Variants in DOCK4 observed in about 807,000 individuals in gnomAD.
DOCK4 encodes dedicator of cytokinesis 4, also known as dedicator of cytokinesis protein 4.
DOCK4 carries 97 observed loss-of-function variants against 268.1 expected under a neutral mutation model. The observed-to-expected ratio is 0.36, with a 90% CI of 0.31 to 0.43. The LOEUF (loss-of-function observed/expected upper bound fraction) is 0.43, where lower values mean the gene tolerates loss of function less well. DOCK4 is among the 20% of genes least tolerant of loss of function. DOCK4 has a pLI of 1.00. For missense variants in DOCK4, 2,145 were observed against 2,455.7 expected, an observed-to-expected ratio of 0.87 and a Z score of 2.67; for synonymous variants, 954 against 887.2, an observed-to-expected ratio of 1.08 and a Z score of -1.34.
At chr7:111,824,631 T>C (rs1802257996) in intron 26 of DOCK4, among the ~76,000 whole-genome samples, 1 of 152,072 alleles carries the variant, frequency 6.6e-6, no homozygotes, top group South Asian at 2.1e-4. Context: ...GGAGGAAAAA[T>C]ACTGGCTGAA....
At chr7:111,995,035 TG>T (rs778453808) in intron 4 of DOCK4, among the ~76,000 whole-genome samples, 12 of 124,894 alleles carry the variant, frequency 9.6e-5, no homozygotes, top group Non-Finnish European at 1.8e-4. Flanking sequence ...AGAAGTTTTG[TG>T]TTTTTTTTTT....
chr7:111,763,694 G>A (rs1056669613), intron 39 of DOCK4, among the ~76,000 whole-genome samples: 3 of 151,794 alleles, frequency 2.0e-5, no homozygotes, highest in South Asian at 2.1e-4. Flanking sequence ...ACCCTGCTGC[G>A]CAATCCCCAG....
At chr7:112,022,368 G>A (rs1802396303) in intron 1 of DOCK4, among the ~76,000 whole-genome samples, 2 of 152,208 alleles carry the variant, frequency 1.3e-5, no homozygotes, top group South Asian at 4.1e-4. Flanking sequence ...TTTGCCAAAG[G>A]TCACAAAGCT....
chr7:112,157,724 T>C lies in DOCK4; in HGVS notation c.37+48378A>G, dbSNP rs113850662. Among the ~76,000 whole-genome samples the C allele has an allele frequency of 5.0e-4, 76 of 152,208 alleles. 1 individual carries two copies. The highest frequency in any genetic ancestry group is 1.6e-3 in the African/African-American group (67 of 41,536). On this transcript the variant is annotated intron_variant, in intron 1 of 52. Transcript: ENST00000428084. ...GGGTGTCCTGGTATAATCAAGGAAGTGTGGCATGACTTCCGCTAAGGCTAA... is the reference window on the plus strand; with the variant it reads ...GGGTGTCCTGGTATAATCAAGGAAGCGTGGCATGACTTCCGCTAAGGCTAA...
chr7:111,999,940 C>T (rs1282874315), intron 3 of DOCK4, among the ~76,000 whole-genome samples: 1 of 152,030 alleles, frequency 6.6e-6, no homozygotes, highest in African/African-American at 2.4e-5. Context: ...GACATTACTT[C>T]TTGCTCTAAT....
chr7:112,047,033 G>T (rs1318943273), intron 1 of DOCK4, among the ~76,000 whole-genome samples: 1 of 152,198 alleles, frequency 6.6e-6, no homozygotes, highest in Non-Finnish European at 1.5e-5. Flanking sequence ...TGACTCTGGG[G>T]AAAGAACCAC....
intron 30 of DOCK4, among the ~76,000 whole-genome samples, chr7:111,792,508 G>A (rs1352306660): frequency 6.6e-6 from 1 of 152,066 alleles, no homozygotes; most frequent in Non-Finnish European, 1.5e-5. Context: ...TCAGCCTCCT[G>A]AGTAGCTAGG....
At chr7:111,756,838 C>T (rs1293603840) in intron 41 of DOCK4, among the ~76,000 whole-genome samples, 3 of 151,832 alleles carry the variant, frequency 2.0e-5, no homozygotes, top group Admixed American at 1.3e-4. Flanking sequence ...GACAAGAGCT[C>T]GCAGTGTTCT....
chr7:112,168,523 A>G (rs1817798854), intron 1 of DOCK4, among the ~76,000 whole-genome samples: 1 of 152,184 alleles, frequency 6.6e-6, no homozygotes, highest in African/African-American at 2.4e-5. Flanking sequence ...CCTGAGCAAC[A>G]TAGGGAGACC....
intron 1 of DOCK4, among the ~76,000 whole-genome samples, chr7:112,204,307 C>T (rs182427481): frequency 1.6e-4 from 24 of 152,282 alleles, no homozygotes; most frequent in Admixed American, 1.4e-3. Context: ...TATAATTTAA[C>T]ACTTGGAAGA....
At position 111,726,278 on chromosome 7, in the gene DOCK4, T is replaced by TA. The variant is rs1373014188; in HGVS notation, c.*1995dup. ...AACTGCTCACTGCCAAAATTTTTTT[T>TA]AAAAAATGGCTCCAAGAGCAAATAA... is the stretch of plus-strand genomic sequence containing the variant. On this transcript the variant is annotated 3_prime_UTR_variant, in exon 53 of 53. Transcript: ENST00000428084. The TA allele has an allele frequency of 1.3e-5, 2 of 152,612 alleles. No homozygotes were observed. The highest frequency in any genetic ancestry group is 2.9e-5 in the Non-Finnish European group (2 of 68,020). 9.5% of individuals were successfully genotyped at this position (152,612 alleles called of 1,614,324 possible).
At chr7:111,901,270 G>T (rs1375373944) in intron 14 of DOCK4, among the ~76,000 whole-genome samples, 6 of 145,452 alleles carry the variant, frequency 4.1e-5, no homozygotes, top group Non-Finnish European at 8.9e-5. Context: ...GAAGAGGGAG[G>T]TTGCAATGAG....
rs74378141 is a variant in DOCK4 at position 111,815,281 on chromosome 7, C to T, written c.2931-3332G>A. ...TTTCTTTCATACCTATAACATTCAG[C>T]CCAAGCCATCAAGGCAGTTCCCAGA... On this transcript the variant is annotated intron_variant, in intron 27 of 52. Coordinates refer to ENST00000428084, the MANE Select transcript of DOCK4 (RefSeq NM_001363540.2). Among the ~76,000 whole-genome samples, 1,120 of 152,284 alleles carry T rather than the reference C, an allele frequency of 7.4e-3. 10 individuals are homozygous for T. The highest frequency in any genetic ancestry group is 0.013 in the Non-Finnish European group (852 of 68,024).
At chr7:111,968,760 C>T (rs1174479296) in intron 8 of DOCK4, among the ~76,000 whole-genome samples, 2 of 102,416 alleles carry the variant, frequency 2.0e-5, no homozygotes, top group Admixed American at 9.2e-5. Flanking sequence ...CACATGCACA[C>T]GTATGTTTAT....
chr7:111,762,762 CTTTTTTTTTT>C lies in DOCK4; in HGVS notation c.4020+2346_4020+2355del, dbSNP rs869052136. Among the ~76,000 whole-genome samples the C allele has an allele frequency of 3.6e-4, 23 of 63,082 alleles. 1 individual carries two copies. Among genetic ancestry groups the C allele is most frequent in the South Asian group, 1.8e-3 (2 of 1,134 alleles). 41.4% of individuals were successfully genotyped at this position (63,082 alleles called of 152,430 possible). The stretch of plus-strand genomic sequence containing the variant: ...TAAATAACCCATTTTGTTTTGTTTT[CTTTTTTTTTT>C]TTTTTTTTTTTTTTGGAGACAGGGT... On this transcript the variant is annotated intron_variant, in intron 39 of 52. Transcript: ENST00000428084.
At chr7:111,884,331 G>A (rs960683366) in intron 16 of DOCK4, among the ~76,000 whole-genome samples, 1 of 152,170 alleles carries the variant, frequency 6.6e-6, no homozygotes, top group Admixed American at 6.5e-5. Context: ...ATATTGTAAC[G>A]TAAGGAGCTT....
chr7:112,094,850 C>T (rs1809963681), intron 1 of DOCK4, among the ~76,000 whole-genome samples: 1 of 152,054 alleles, frequency 6.6e-6, no homozygotes, highest in South Asian at 2.1e-4. Context: ...ACCTCCCTGA[C>T]CCCTTGCTCC....
chr7:112,017,435 G>A (rs950456744), intron 1 of DOCK4, among the ~76,000 whole-genome samples: 16 of 152,192 alleles, frequency 1.1e-4, no homozygotes, highest in Non-Finnish European at 1.6e-4. Flanking sequence ...TGAAAACTGG[G>A]TGATGGGAGG....
At chr7:112,164,033 C>G (rs1817372000) in intron 1 of DOCK4, among the ~76,000 whole-genome samples, 1 of 152,074 alleles carries the variant, frequency 6.6e-6, no homozygotes, top group Non-Finnish European at 1.5e-5. Flanking sequence ...GTATAATCCC[C>G]AACACTTTGG....
Sources: gnomAD v4.1 joint callset for allele counts (sites outside exome capture counted in the v4.1 genomes callset) on GRCh38, gnomAD v4.1.1 for gene constraint, MANE v1.5 for transcripts, NCBI Gene and HGNC (gene_info 2026-07-23, HGNC 2026-07-21) for gene names.